The following AOPEP variants were observed in gnomAD, a reference collection of about 807,000 sequenced individuals.
The protein encoded by AOPEP is aminopeptidase O (putative).
A neutral mutation model predicts 98.1 loss-of-function variants in AOPEP; 77 were observed. The ratio of observed to expected loss-of-function variants is 0.78; its 90% confidence interval spans 0.65 to 0.95. The LOEUF is 0.95. Among genes scored for constraint, AOPEP ranks in the 40% least tolerant of loss-of-function variants. AOPEP has a pLI of 0.00. For synonymous variants in AOPEP, 346 were observed against 365.3 expected, an observed-to-expected ratio of 0.95 and a Z score of 0.60; for missense variants, 1,024 against 1,024.7, an observed-to-expected ratio of 1.00 and a Z score of 0.01.
At chr9:94,867,901 A>G (rs1318443795) in intron 5 of AOPEP, among the ~76,000 whole-genome samples, 4 of 152,224 alleles carry the variant, frequency 2.6e-5, no homozygotes, top group Non-Finnish European at 5.9e-5. Context: ...AAAGTATCAA[A>G]TAAAGCTATA....
chr9:95,026,836 T>C (rs1213805927), intron 13 of AOPEP, among the ~76,000 whole-genome samples: 1 of 152,192 alleles, frequency 6.6e-6, no homozygotes, highest in Non-Finnish European at 1.5e-5. Flanking sequence ...TCCCAGTTTC[T>C]CCACATCTTT....
the AOPEP span, among the ~76,000 whole-genome samples, chr9:95,095,966 A>G: frequency 1.3e-5 from 2 of 152,232 alleles, no homozygotes; most frequent in Admixed American, 1.3e-4. Flanking sequence ...GGGAGGAGGG[A>G]AGCTTCAATT....
intron 5 of AOPEP, among the ~76,000 whole-genome samples, chr9:94,913,787 CCTT>C (rs2052419557): frequency 6.6e-6 from 1 of 152,182 alleles, no homozygotes; most frequent in Non-Finnish European, 1.5e-5. Flanking sequence ...CATGAATTTT[CCTT>C]CTATTTACAC....
intron 1 of AOPEP, among the ~76,000 whole-genome samples, chr9:94,753,433 G>A (rs1256806653): frequency 6.6e-6 from 1 of 152,168 alleles, no homozygotes; most frequent in Non-Finnish European, 1.5e-5. Context: ...TCCTTATATT[G>A]TTTGGAAGGT....
intron 13 of AOPEP, among the ~76,000 whole-genome samples, chr9:95,036,726 C>T (rs1253723259): frequency 1.0e-5 from 1 of 98,970 alleles, no homozygotes; most frequent in African/African-American, 3.4e-5. Flanking sequence ...GGGAATAAAA[C>T]TATAGTTTGT....
At chr9:94,916,046 A>G (rs1453272675) in intron 5 of AOPEP, among the ~76,000 whole-genome samples, 1 of 152,186 alleles carries the variant, frequency 6.6e-6, no homozygotes, top group African/African-American at 2.4e-5. Context: ...CACGGGACAG[A>G]CTTGTGCTCG....
Position 94,930,915 on chromosome 9 carries a change from G to A in AOPEP, c.1661+2384G>A, listed in dbSNP as rs535863634. Among the ~76,000 whole-genome samples, 18 of 152,178 alleles carry A rather than the reference G, an allele frequency of 1.2e-4. No individual in the cohort carries two copies. The highest frequency in any genetic ancestry group is 3.9e-4 in the African/African-American group (16 of 41,526). On this transcript the variant is annotated intron_variant, in intron 7 of 16. Coordinates refer to ENST00000375315, the MANE Select transcript of AOPEP (RefSeq NM_001193329.3). This position sits in a 1 kb window ranked among gnomAD's most constrained non-coding sequence, Gnocchi z 4.5. ...AGAGAGGTTTGCTTTCAGGTAGGGCGCCCAGGAGCATGCTTACCTGCGAGC... is the reference window on the plus strand; with the variant it reads ...AGAGAGGTTTGCTTTCAGGTAGGGCACCCAGGAGCATGCTTACCTGCGAGC...
chr9:94,743,211 G>GGAAGAAGAGGAAGAGGAA (rs1833634760), intron 1 of AOPEP, among the ~76,000 whole-genome samples: 1 of 146,284 alleles, frequency 6.8e-6, no homozygotes, highest in Non-Finnish European at 1.5e-5. Flanking sequence ...AGGAAGAAGA[G>GGAAGAAGAGGAAGAGGAA]GAAGAAGAGG....
intron 5 of AOPEP, among the ~76,000 whole-genome samples, chr9:94,869,096 G>A (rs2046030765): frequency 6.6e-6 from 1 of 152,124 alleles, no homozygotes; most frequent in South Asian, 2.1e-4. Flanking sequence ...GGGCATGGTG[G>A]TGTGTACCTG....
chr9:94,952,908 G>A (rs370516704), intron 7 of AOPEP, among the ~76,000 whole-genome samples: 34 of 152,308 alleles, frequency 2.2e-4, no homozygotes, highest in Admixed American at 1.8e-3. Context: ...GGATGCTTTC[G>A]GGAAGGACAT....
chr9:95,123,322 A>C, the AOPEP span: 4 of 301,684 alleles, frequency 1.3e-5, 1 homozygote, highest in Admixed American at 1.9e-4. Flanking sequence ...AAATAAAATA[A>C]AAATATATTT....
At chr9:94,925,469 A>G (rs534373040) in intron 6 of AOPEP, among the ~76,000 whole-genome samples, 34 of 152,348 alleles carry the variant, frequency 2.2e-4, no homozygotes, top group African/African-American at 7.9e-4. Flanking sequence ...CACCTTCTCT[A>G]GCTAGCCCAG....
rs1830024966 is a variant in AOPEP, at chr9:94,729,535, T to TG, written c.-136+2785dup. 2.0e-5 allele frequency among the ~76,000 whole-genome samples: 3 copies of TG among 149,294 alleles called. No individual in the cohort carries two copies. The Admixed American group carries it at 2.0e-4, about 10-fold the overall frequency. ...CTGCAGTGAGCTGTGGTGGCGCCACTGCACTCCAGCCTGGGAGACACAGTG... is the reference window on the plus strand; with the variant it reads ...CTGCAGTGAGCTGTGGTGGCGCCACTGGCACTCCAGCCTGGGAGACACAGTG... On this transcript the variant is annotated intron_variant, in intron 1 of 16. Coordinates refer to ENST00000375315, the MANE Select transcript of AOPEP (RefSeq NM_001193329.3).
intron 5 of AOPEP, among the ~76,000 whole-genome samples, chr9:94,908,075 T>A (rs1413035756): frequency 6.6e-6 from 1 of 152,136 alleles, no homozygotes; most frequent in Non-Finnish European, 1.5e-5. Context: ...TCAGCTTCCT[T>A]CTCAGGTTGC....
rs1841273190 is a variant in AOPEP at position 94,773,174 on chromosome 9, G to A, written c.964+6G>A. The A allele has an allele frequency of 6.2e-7, 1 of 1,610,728 alleles. No individual in the cohort carries two copies. On this transcript the variant is annotated splice_donor_region_variant and intron_variant, in intron 3 of 16. Coordinates refer to ENST00000375315, the MANE Select transcript of AOPEP (RefSeq NM_001193329.3). ...ACCAACGCAGCTTTGGGAAGGTACT[G>A]TACATGTGTTCTTTGCTTATTTATG...
chr9:94,815,205 CAG>C (rs1237683438), intron 5 of AOPEP, among the ~76,000 whole-genome samples: 1 of 152,120 alleles, frequency 6.6e-6, no homozygotes, highest in Non-Finnish European at 1.5e-5. Context: ...AAAGTGGCCT[CAG>C]GGGTGGCTAG....
chr9:95,032,448 A>G (rs1422997394), intron 13 of AOPEP, among the ~76,000 whole-genome samples: 2 of 152,244 alleles, frequency 1.3e-5, no homozygotes, highest in Non-Finnish European at 2.9e-5. Flanking sequence ...AAACTCTGCC[A>G]TTCAAAGGTA....
chr9:95,009,532 A>G (rs2062325423), intron 13 of AOPEP, among the ~76,000 whole-genome samples: 1 of 152,294 alleles, frequency 6.6e-6, no homozygotes. Context: ...AGTGTGTATG[A>G]TGATGTCAGA....
Position 94,975,087 on chromosome 9 carries a change from C to T in AOPEP, c.1917-4280C>T, listed in dbSNP as rs377353228. 2.6e-5 allele frequency among the ~76,000 whole-genome samples: 4 copies of T among 152,090 alleles called. No individual in the cohort carries two copies. In the South Asian group the frequency reaches 6.2e-4, roughly 24 times the overall value. On this transcript the variant is annotated intron_variant, in intron 10 of 16. Coordinates refer to ENST00000375315, the MANE Select transcript of AOPEP (RefSeq NM_001193329.3). ...TCTATAAAAAATTTCAAAAATTAGT[C>T]GGGCGTGGTGGCACATGCCTGTAGT...
Sources: gnomAD v4.1 joint callset for allele counts (sites outside exome capture counted in the v4.1 genomes callset) on GRCh38, gnomAD v4.1.1 for gene constraint, Gnocchi (gnomAD v3.1) non-coding constraint, MANE v1.5 for transcripts, NCBI Gene and HGNC (gene_info 2026-07-23, HGNC 2026-07-21) for gene names.